Variants in RB1 observed in about 807,000 individuals in gnomAD.
RB1 encodes retinoblastoma-associated protein.
A neutral mutation model predicts 135.4 loss-of-function variants in RB1; 18 were observed. The ratio of observed to expected loss-of-function variants is 0.13; its 90% CI spans 0.09 to 0.20. The LOEUF (loss-of-function observed/expected upper bound fraction) is 0.20. Ranked by LOEUF, RB1 falls within the 10% of genes least tolerant of loss-of-function variation. RB1 has a pLI of 1.00. For synonymous variants in RB1, 365 were observed against 373.2 expected (o/e 0.98, Z 0.25); for missense variants, 868 against 1,110.0 (o/e 0.78, Z 3.10).
chr13:48,359,834 A>G (rs1472251609), intron 6 of RB1, among the ~76,000 whole-genome samples, 183 bp from the exon 7 acceptor site: 3 of 151,364 alleles, frequency 2.0e-5, no homozygotes, highest in African/African-American at 7.3e-5. Flanking sequence ...TTTCTATTTT[A>G]CATATTTTAT....
intron 2 of RB1, among the ~76,000 whole-genome samples, chr13:48,332,338 A>T (rs1402518804): frequency 1.3e-5 from 2 of 152,200 alleles, no homozygotes; most frequent in Non-Finnish European, 2.9e-5. Context: ...GGAGACCAAG[A>T]TAGGAGGATT....
At chr13:48,460,403 C>T (rs1017363862) in intron 20 of RB1, among the ~76,000 whole-genome samples, 3 of 152,146 alleles carry the variant, frequency 2.0e-5, no homozygotes, top group Non-Finnish European at 4.4e-5. Context: ...AGCTTTAACA[C>T]TCAAGAGTAT....
Position 48,459,886 on chromosome 13 carries a change from ATTCTTTCTTTCTTTCTTTCT to A in RB1, c.2106+100_2106+119del, listed in dbSNP as rs756876412. 1.1e-5 allele frequency: 11 copies of A among 1,007,104 alleles called. No individual in the cohort carries two copies. The African/African-American group carries it at 1.8e-4, about 16-fold the overall frequency. The allele number at this position is 1,007,104 out of a possible 1,614,324, so 62.4% of individuals were successfully genotyped here. A position where few individuals can be genotyped will look rare whatever the true frequency, so the allele number is the denominator to read the frequency against. ...CTCCTCCCTACTTACTTGTTAACTGATTCTTTCTTTCTTTCTTTCTTTCTTTCTTTCTTTCTTTCTTTCTT... is the reference window on the plus strand; with the variant it reads ...CTCCTCCCTACTTACTTGTTAACTGATTCTTTCTTTCTTTCTTTCTTTCTT... On this transcript the variant is annotated intron_variant, in intron 20 of 26. Coordinates refer to ENST00000267163, the MANE Select transcript of RB1 (RefSeq NM_000321.3).
intron 4 of RB1, among the ~76,000 whole-genome samples, chr13:48,345,844 G>C (rs1266128697): frequency 6.6e-6 from 1 of 152,120 alleles, no homozygotes; most frequent in Admixed American, 6.6e-5. Context: ...TTGTGTAATA[G>C]CATGGTAAAG....
In RB1 at chr13:48,310,874, T is replaced by C. The variant is rs140294488; in HGVS notation, c.264+3468T>C. 2.6e-3 allele frequency among the ~76,000 whole-genome samples: 389 copies of C among 152,260 alleles called. 1 individual carries two copies. Among genetic ancestry groups the C allele is most frequent in the African/African-American group, 8.9e-3 (371 of 41,562 alleles). On this transcript the variant is annotated intron_variant, in intron 2 of 26. Coordinates refer to ENST00000267163, the MANE Select transcript of RB1 (RefSeq NM_000321.3). ...TTTTTAAAATAAATATTTAGTAAAGTGTAATAATAAAGATTAGCTTTGTTC... is the reference window on the plus strand; with the variant it reads ...TTTTTAAAATAAATATTTAGTAAAGCGTAATAATAAAGATTAGCTTTGTTC...
chr13:48,479,883 C>A, intron 26 of RB1, 115 bp from the exon 27 acceptor site: 1 of 772,982 alleles, frequency 1.3e-6, no homozygotes, highest in Non-Finnish European at 2.3e-6. Context: ...AAGACCACTG[C>A]TTTTGCAAGG....
At chr13:48,398,449 A>C (rs910698456) in intron 17 of RB1, among the ~76,000 whole-genome samples, 4 of 151,990 alleles carry the variant, frequency 2.6e-5, no homozygotes, top group Non-Finnish European at 5.9e-5. Context: ...TTACTTTTCA[A>C]ATCATCTGGG....
intron 11 of RB1, among the ~76,000 whole-genome samples, chr13:48,372,167 G>A (rs940152733): frequency 1.2e-4 from 18 of 152,118 alleles, no homozygotes; most frequent in Admixed American, 3.9e-4. Context: ...AGATTGAAGC[G>A]AAGAAAGCTG....
At chr13:48,369,842 A>G (rs1405843396) in intron 11 of RB1, among the ~76,000 whole-genome samples, 1 of 152,132 alleles carries the variant, frequency 6.6e-6, no homozygotes, top group Non-Finnish European at 1.5e-5. Context: ...CCTTTATAGC[A>G]TGTATCCCAA....
intron 20 of RB1, among the ~76,000 whole-genome samples, chr13:48,462,438 A>T (rs1270398958): frequency 5.3e-5 from 8 of 152,202 alleles, no homozygotes; most frequent in African/African-American, 1.9e-4. Context: ...TCATTTTTTA[A>T]TAGAGTTATT....
intron 17 of RB1, chr13:48,444,403 G>A (rs187904642): frequency 1.3e-5 from 2 of 152,400 alleles, no homozygotes; most frequent in Admixed American, 6.5e-5. Context: ...TGTAGTCCCA[G>A]CTACTCCAGA....
At chr13:48,309,440 A>T (rs879261872) in intron 2 of RB1, among the ~76,000 whole-genome samples, 5 of 152,220 alleles carry the variant, frequency 3.3e-5, no homozygotes, top group Admixed American at 6.5e-5. Context: ...AATTGAACAT[A>T]GTCTCACATT....
rs1394858507 is a variant in RB1 at position 48,342,584 on chromosome 13, A to G, written c.265-15A>G. 6.9e-7 allele frequency: 1 copy of G among 1,443,908 alleles called. No homozygotes were observed. 89.4% of individuals were successfully genotyped at this position (1,443,908 alleles called of 1,614,324 possible). On this transcript the variant is annotated splice_polypyrimidine_tract_variant and intron_variant, in intron 2 of 26. Coordinates refer to ENST00000267163, the MANE Select transcript of RB1 (RefSeq NM_000321.3). ...TTATTTAATGAAATATTTGATCTTTATTTTTTGTTCCCAGGGAGGTTATAT... is the reference window on the plus strand; with the variant it reads ...TTATTTAATGAAATATTTGATCTTTGTTTTTTGTTCCCAGGGAGGTTATAT...
chr13:48,317,189 G>A, intron 2 of RB1: 2 of 558,334 alleles, frequency 3.6e-6, no homozygotes, highest in Non-Finnish European at 5.6e-6. Context: ...GCAGCCCCAT[G>A]TCGGGCTGAA....
chr13:48,360,264 T>C, intron 7 of RB1, 137 bp downstream of exon 7: 1 of 1,491,244 alleles, frequency 6.7e-7, no homozygotes, highest in East Asian at 2.5e-5. Context: ...CCATAAGTAG[T>C]GTAAGTTATA....
intron 2 of RB1, among the ~76,000 whole-genome samples, chr13:48,308,074 C>T (rs1021931161): frequency 4.0e-5 from 6 of 151,834 alleles, no homozygotes; most frequent in African/African-American, 1.4e-4. Context: ...AATTCAGGAT[C>T]TTGAAAATAT....
chr13:48,346,691 C>T (rs1252216413), intron 4 of RB1, among the ~76,000 whole-genome samples: 1 of 151,768 alleles, frequency 6.6e-6, no homozygotes, highest in Non-Finnish European at 1.5e-5. Flanking sequence ...GCAATATTGG[C>T]AAGTGCTTCT....
intron 2 of RB1, chr13:48,317,358 C>T (rs1439144085): frequency 1.8e-5 from 7 of 381,788 alleles, no homozygotes; most frequent in Non-Finnish European, 3.3e-5. Flanking sequence ...GCCTCCACTC[C>T]GCATCTCTAC....
intron 17 of RB1, among the ~76,000 whole-genome samples, chr13:48,405,720 A>T (rs1005857025): frequency 7.2e-5 from 11 of 152,222 alleles, no homozygotes; most frequent in African/African-American, 2.7e-4. Context: ...CAAAGTCGTA[A>T]CTATACAAAA....
Sources: gnomAD v4.1 joint callset for allele counts (sites outside exome capture counted in the v4.1 genomes callset) on GRCh38, gnomAD v4.1.1 for gene constraint, MANE v1.5 for transcripts, NCBI Gene and HGNC (gene_info 2026-07-23, HGNC 2026-07-21) for gene names.